ZNF385D: variants seen among roughly 807,000 people sequenced by gnomAD.
ZNF385D encodes zinc finger protein 659.
A neutral mutation model predicts 35.8 loss-of-function variants in ZNF385D; 15 were observed. The observed-to-expected ratio is 0.42, with a 90% CI of 0.28 to 0.64. The LOEUF (loss-of-function observed/expected upper bound fraction) is 0.64, where lower values mean the gene tolerates loss of function less well. ZNF385D is among the 30% of genes least tolerant of loss of function. The probability of loss-of-function intolerance (pLI) is 0.23; values close to 1 mark genes in which losing one functional copy is unlikely to be tolerated. For synonymous variants in ZNF385D, 212 were observed against 186.8 expected (o/e 1.13, Z -1.10); for missense variants, 474 against 494.6 (o/e 0.96, Z 0.39).
intron 1 of ZNF385D, among the ~76,000 whole-genome samples, chr3:21,694,898 A>C (rs574650808): frequency 3.3e-5 from 5 of 152,326 alleles, no homozygotes; most frequent in Admixed American, 2.6e-4. Context: ...AGGAGATGTA[A>C]GGGAAGAAAA....
chr3:22,059,723 G>A (rs1185176562), intron 3 of ZNF385D, among the ~76,000 whole-genome samples: 1 of 152,144 alleles, frequency 6.6e-6, no homozygotes, highest in East Asian at 1.9e-4. Context: ...GATTTTGTTT[G>A]CTGCTGTATC....
chr3:21,939,735 C>T (rs1001154569), intron 3 of ZNF385D, among the ~76,000 whole-genome samples: 11 of 152,068 alleles, frequency 7.2e-5, no homozygotes, highest in Admixed American at 1.3e-4. Context: ...TCAAGGCTTA[C>T]TGTGATTGTA....
intron 3 of ZNF385D, among the ~76,000 whole-genome samples, chr3:22,159,115 C>T (rs1015654805): frequency 6.6e-6 from 1 of 151,806 alleles, no homozygotes; most frequent in Admixed American, 6.6e-5. Context: ...GTGTACTAAA[C>T]AGATTTGAAG....
intron 3 of ZNF385D, among the ~76,000 whole-genome samples, chr3:21,813,699 CTG>C (rs200737878): frequency 0.14 from 21,071 of 151,968 alleles, 1,835 homozygotes; most frequent in Non-Finnish European, 0.19. Flanking sequence ...ATATGGGACT[CTG>C]TGAAAAGACC....
At chr3:21,684,886 G>A (rs938834997) in intron 1 of ZNF385D, among the ~76,000 whole-genome samples, 2 of 152,140 alleles carry the variant, frequency 1.3e-5, no homozygotes, top group Non-Finnish European at 2.9e-5. Context: ...TGAAACTGGA[G>A]TGCTTCTTAG....
rs144941735 is a variant in ZNF385D, at chr3:22,016,003, A to G, written c.325+152814T>C. ...AAAAGAGTAAGGGAGAGTTTCTCCT[A>G]TTGTTAAGAAGCATTTTTGTGCAGG... is the stretch of plus-strand genomic sequence containing the variant. On this transcript the variant is annotated intron_variant, in intron 3 of 5. Coordinates refer to the ZNF385D transcript ENST00000494108. Among the ~76,000 whole-genome samples, 979 of 152,204 alleles carry G rather than the reference A, an allele frequency of 6.4e-3. 11 individuals are homozygous for G. The highest frequency in any genetic ancestry group is 0.022 in the African/African-American group (904 of 41,562).
At chr3:21,801,213 G>A (rs1471405671) in intron 3 of ZNF385D, among the ~76,000 whole-genome samples, 2 of 152,044 alleles carry the variant, frequency 1.3e-5, no homozygotes, top group African/African-American at 2.4e-5. Flanking sequence ...TAAGCTGTTG[G>A]ATTTGGTTTA....
At chr3:22,231,133 A>T (rs973480787) in intron 2 of ZNF385D, among the ~76,000 whole-genome samples, 1 of 152,172 alleles carries the variant, frequency 6.6e-6, no homozygotes, top group African/African-American at 2.4e-5. Flanking sequence ...AGGGCAAAAG[A>T]AGTTCAAAAA....
At chr3:22,354,438 G>C (rs1415334716) in intron 2 of ZNF385D, among the ~76,000 whole-genome samples, 2 of 151,936 alleles carry the variant, frequency 1.3e-5, no homozygotes, top group Admixed American at 1.3e-4. Context: ...CTCAATCCAA[G>C]AGACACAGTC....
intron 3 of ZNF385D, among the ~76,000 whole-genome samples, chr3:21,844,342 C>T (rs183589772): frequency 6.6e-6 from 1 of 150,962 alleles, no homozygotes. Context: ...CAGAGGATCA[C>T]TGGCTTTATT....
At chr3:21,535,632 A>C (rs1185322024) in intron 3 of ZNF385D, among the ~76,000 whole-genome samples, 1 of 151,782 alleles carries the variant, frequency 6.6e-6, no homozygotes, top group East Asian at 1.9e-4. Flanking sequence ...AAATATATCC[A>C]CTTAGCAATT....
chr3:21,734,846 A>G (rs572383497), intron 1 of ZNF385D, among the ~76,000 whole-genome samples: 6 of 152,296 alleles, frequency 3.9e-5, no homozygotes, highest in Non-Finnish European at 7.3e-5. Context: ...AGGTGGAAGC[A>G]TAAGAGAATC....
intron 3 of ZNF385D, among the ~76,000 whole-genome samples, chr3:21,890,921 C>T (rs1004673354): frequency 1.3e-5 from 2 of 152,064 alleles, no homozygotes; most frequent in Admixed American, 6.5e-5. Context: ...TGTTTTTGGT[C>T]TCCAACAGTA....
At chr3:21,797,117 A>T (rs949205319) in intron 3 of ZNF385D, among the ~76,000 whole-genome samples, 5 of 152,230 alleles carry the variant, frequency 3.3e-5, no homozygotes, top group African/African-American at 1.2e-4. Flanking sequence ...CATCCAAAAT[A>T]TACAAAGAAC....
intron 3 of ZNF385D, among the ~76,000 whole-genome samples, chr3:22,164,947 A>G (rs1287838674): frequency 3.9e-5 from 6 of 152,224 alleles, no homozygotes; most frequent in African/African-American, 1.4e-4. Context: ...TTCAAACTTT[A>G]TGATATTCTG....
At chr3:21,891,936 C>A (rs1233866043) in intron 3 of ZNF385D, among the ~76,000 whole-genome samples, 2 of 152,088 alleles carry the variant, frequency 1.3e-5, no homozygotes, top group African/African-American at 4.8e-5. Context: ...AAAGTGAGAA[C>A]CAAGCTGATC....
At chr3:21,625,723 T>C (rs929250444) in intron 2 of ZNF385D, among the ~76,000 whole-genome samples, 2 of 152,066 alleles carry the variant, frequency 1.3e-5, no homozygotes, top group Admixed American at 6.6e-5. Flanking sequence ...TGGACTCCAG[T>C]TAAATGTGAC....
chr3:21,464,688 A>G (rs1026688), intron 4 of ZNF385D, among the ~76,000 whole-genome samples: 77,186 of 151,250 alleles, frequency 0.51, 20,727 homozygotes, highest in East Asian at 0.68. Context: ...AAATCGCTTC[A>G]TATGAAAAAA....
intron 2 of ZNF385D, among the ~76,000 whole-genome samples, chr3:21,654,984 A>AAGTT (rs1483927756): frequency 6.6e-6 from 1 of 152,094 alleles, no homozygotes; most frequent in South Asian, 2.1e-4. Flanking sequence ...TAGTCTGAGA[A>AAGTT]AGTTAGTTAT....
Sources: allele counts gnomAD v4.1 joint callset (sites outside exome capture counted in the v4.1 genomes callset), GRCh38; gene constraint gnomAD v4.1.1; transcripts MANE v1.5; gene names NCBI Gene and HGNC (gene_info 2026-07-23, HGNC 2026-07-21).